The following DOK7 variants were observed in gnomAD, a reference collection of about 807,000 sequenced individuals.
DOK7 encodes docking protein 7, also known as protein Dok-7.
Under a neutral mutation model 30.7 loss-of-function variants are expected in DOK7, and 32 were observed. The observed-to-expected ratio is 1.04, with a 90% CI of 0.79 to 1.40. The LOEUF is 1.40. DOK7 is among the 40% of genes most tolerant of loss of function. DOK7 has a pLI of 0.00. For missense variants in DOK7, 1,007 were observed against 699.2 expected (o/e 1.44, Z -4.97); for synonymous variants, 447 against 324.1 (o/e 1.38, Z -4.07).
chr4:3,487,461 A>G (rs1181347873), intron 5 of DOK7, among the ~76,000 whole-genome samples: 3 of 152,188 alleles, frequency 2.0e-5, no homozygotes, highest in African/African-American at 7.2e-5. Context: ...GACCCACTGG[A>G]GGGGCCAAGA....
exon 8 of DOK7, chr4:3,501,093 C>G (rs1577194725): frequency 5.9e-6 from 3 of 512,326 alleles, no homozygotes; most frequent in Admixed American, 3.7e-5. Flanking sequence ...TGCTTCCAGG[C>G]ATCAGGCAGC....
In DOK7 at chr4:3,463,494, C is replaced by T. The variant is rs1292335924; in HGVS notation, c.55-12C>T. The T allele has an allele frequency of 7.4e-6, 11 of 1,486,882 alleles. 1 individual carries two copies. Among genetic ancestry groups the T allele is most frequent in the South Asian group, 7.4e-5 (6 of 81,604 alleles). 92.1% of individuals were successfully genotyped at this position (1,486,882 alleles called of 1,614,324 possible). On this transcript the variant is annotated splice_polypyrimidine_tract_variant and intron_variant, in intron 1 of 6. Coordinates refer to ENST00000340083, the MANE Select transcript of DOK7 (RefSeq NM_173660.5). ...CGCGGGCGGCGGCTCACGCTCCCCCCTGTCCCCGCAGTGGAAGAGTAGGTG... is the reference window on the plus strand; with the variant it reads ...CGCGGGCGGCGGCTCACGCTCCCCCTTGTCCCCGCAGTGGAAGAGTAGGTG...
intron 4 of DOK7, among the ~76,000 whole-genome samples, chr4:3,484,029 A>G (rs770124787): frequency 2.0e-5 from 3 of 152,072 alleles, no homozygotes; most frequent in Non-Finnish European, 4.4e-5. Context: ...CCCCTCACCC[A>G]CAGTAGGACT....
chr4:3,486,777 T>C (rs1415182996), intron 5 of DOK7, among the ~76,000 whole-genome samples: 2 of 151,774 alleles, frequency 1.3e-5, no homozygotes, highest in African/African-American at 4.8e-5. Context: ...CAGGTGTGGA[T>C]GGTGTGGTCA....
At chr4:3,468,982 C>G (rs1325222674) in intron 2 of DOK7, among the ~76,000 whole-genome samples, 1 of 135,626 alleles carries the variant, frequency 7.4e-6, no homozygotes, top group Non-Finnish European at 1.6e-5. Flanking sequence ...GTACGTGTGC[C>G]TGTGTATGCA....
At chr4:3,497,007 G>C (rs1270241706), downstream of DOK7, 6 of 917,490 alleles carry the variant, frequency 6.5e-6, no homozygotes, top group East Asian at 1.7e-4. Flanking sequence ...GCAATGTGGT[G>C]AAAGTGGTTG....
chr4:3,494,419 T>C lies in DOK7; in HGVS notation c.*918T>C, dbSNP rs1174471461. The C allele has an allele frequency of 4.1e-6, 4 of 985,662 alleles. No homozygotes were observed. Among genetic ancestry groups the C allele is most frequent in the Non-Finnish European group, 4.8e-6 (4 of 830,188 alleles). The allele number at this position is 985,662 out of a possible 1,614,324, so 61.1% of individuals were successfully genotyped here. On this transcript the variant is annotated 3_prime_UTR_variant, in exon 7 of 7. Transcript: ENST00000340083. ...TGTGAACACCTCTTTGTCCCTTCAC[T>C]GTCAGCTGTTTCTAAACCCAGACAC...
downstream of DOK7, among the ~76,000 whole-genome samples, chr4:3,496,551 G>A (rs1728923309): frequency 1.3e-5 from 2 of 152,230 alleles, no homozygotes; most frequent in South Asian, 4.1e-4. Context: ...CCCAGATGCC[G>A]AGGCCTCCAG....
At chr4:3,480,187 G>C (rs1290714666) in intron 4 of DOK7, among the ~76,000 whole-genome samples, 1 of 152,220 alleles carries the variant, frequency 6.6e-6, no homozygotes, top group Admixed American at 6.5e-5. Context: ...AGCTTTTGGA[G>C]GTGCCCCCTT....
Position 3,500,761 on chromosome 4 carries a change from G to C in DOK7, c.1331G>C (p.Arg444Pro), listed in dbSNP as rs553393948. The change falls in exon 8 of 8, where the codon CGG becomes CCG. Residue 444 changes from arginine to proline, a missense_variant. By Grantham distance (103) the Arg-to-Pro change is moderately radical. Transcript: ENST00000643608. ...GAGACGGCGCACAGAGTGGGGGTGC[G>C]GCACGCACGGGCCCGGGAGGAGCAG... is the stretch of plus-strand genomic sequence containing the variant. The C allele has an allele frequency of 5.0e-5, 76 of 1,534,990 alleles. No homozygotes were observed. In the Middle Eastern group the frequency reaches 7.5e-4, roughly 15 times the overall value.
chr4:3,499,634 A>G (rs1255635981), intron 6 of DOK7, among the ~76,000 whole-genome samples: 3 of 151,188 alleles, frequency 2.0e-5, no homozygotes, highest in African/African-American at 7.3e-5. Context: ...ACCATCAGCT[A>G]TTAGGAAGGG....
At chr4:3,490,379 C>CCCCCCCTGCTCATTCAGGCCTTCATT (rs1728206978) in intron 6 of DOK7, among the ~76,000 whole-genome samples, 1 of 46,088 alleles carries the variant, frequency 2.2e-5, no homozygotes, top group African/African-American at 1.1e-4. Flanking sequence ...TCCTTCCCCC[C>CCCCCCCTGCTCATTCAGGCCTTCATT]ACCCCCTGCT....
At chr4:3,473,677 C>T in intron 3 of DOK7, 41 bp downstream of exon 3, 1 of 1,504,640 alleles carries the variant, frequency 6.6e-7, no homozygotes, top group South Asian at 1.3e-5. Flanking sequence ...GCTCCCCGTT[C>T]AGGTGTGCCG....
At chr4:3,468,661 TGTGTGC>T (rs1219887308) in intron 2 of DOK7, among the ~76,000 whole-genome samples, 1 of 144,512 alleles carries the variant, frequency 6.9e-6, no homozygotes, top group African/African-American at 2.5e-5. Flanking sequence ...TGTATGAGTG[TGTGTGC>T]CTGTGTGCAT....
Position 3,484,768 on chromosome 4 carries a change from T to G in DOK7, c.533-771T>G, listed in dbSNP as rs573401259. ...CACCCACACACTGGCAGCTCCAGCT[T>G]CCCCTGAAAGATGACCGAGGAGGTG... On this transcript the variant is annotated intron_variant, in intron 4 of 6. Transcript: ENST00000340083. 2.2e-5 allele frequency: 22 copies of G among 985,458 alleles called. No homozygotes were observed. The African/African-American group carries it at 3.1e-4, about 14-fold the overall frequency. The allele number at this position is 985,458 out of a possible 1,614,324, so 61.0% of individuals were successfully genotyped here.
chr4:3,497,242 CAGGA>C (rs1452348070), downstream of DOK7, among the ~76,000 whole-genome samples: 1 of 151,902 alleles, frequency 6.6e-6, no homozygotes, highest in African/African-American at 2.4e-5. Context: ...GGGGGCATGG[CAGGA>C]AGGCAGTCAG....
chr4:3,489,664 C>T lies in DOK7; in HGVS notation c.653-13C>T. 1.3e-6 allele frequency: 2 copies of T among 1,564,168 alleles called. No homozygotes were observed. Among genetic ancestry groups the T allele is most frequent in the African/African-American group, 1.4e-5 (1 of 73,760 alleles). ...GTGGCCACCTCCTCCACCGAGTCTT[C>T]TCTCTGCCACAGACCCAAGTCCCCC... On this transcript the variant is annotated splice_polypyrimidine_tract_variant and intron_variant, in intron 5 of 6. Transcript: ENST00000340083.
At chr4:3,468,448 G>GCA (rs1726466538) in intron 2 of DOK7, among the ~76,000 whole-genome samples, 2 of 74,130 alleles carry the variant, frequency 2.7e-5, no homozygotes, top group African/African-American at 7.1e-5. Context: ...GTACGAGTGT[G>GCA]TGCCTGTGTG....
At position 3,490,553 on chromosome 4, in the gene DOK7, CCTGCTCATTCGTTTTTTCCTTCTCTCT is replaced by C. The variant is rs1190711616; in HGVS notation, c.772+768_772+794del. 1.2e-4 allele frequency among the ~76,000 whole-genome samples: 11 copies of C among 88,038 alleles called. 1 individual carries two copies. In the East Asian group the frequency reaches 1.5e-3, roughly 12 times the overall value. 57.8% of individuals were successfully genotyped at this position (88,038 alleles called of 152,430 possible). On this transcript the variant is annotated intron_variant, in intron 6 of 6. Coordinates refer to ENST00000340083, the MANE Select transcript of DOK7 (RefSeq NM_173660.5). The stretch of plus-strand genomic sequence containing the variant: ...CGCTCATTCGTTCCTTCCTTCTCCC[CCTGCTCATTCGTTTTTTCCTTCTCTCT>C]CTGCTCATTCCTTCATTTCTTCTCT...
Sources: allele counts gnomAD v4.1 joint callset (sites outside exome capture counted in the v4.1 genomes callset), GRCh38; gene constraint gnomAD v4.1.1; transcripts MANE v1.5; gene names NCBI Gene and HGNC (gene_info 2026-07-23, HGNC 2026-07-21).